Variants in DISP3 observed in about 807,000 individuals in gnomAD.
The protein encoded by DISP3 is protein dispatched homolog 3.
In DISP3, 101 loss-of-function variants were observed where a neutral mutation model predicts 135.3. The ratio of observed to expected loss-of-function variants is 0.75; its 90% CI spans 0.64 to 0.88. The LOEUF is 0.88. DISP3 is among the 40% of genes least tolerant of loss of function. DISP3 has a pLI of 0.00. For synonymous variants in DISP3, 856 were observed against 817.0 expected, an observed-to-expected ratio of 1.05 and a Z score of -0.81; for missense variants, 1,713 against 1,878.6, an observed-to-expected ratio of 0.91 and a Z score of 1.63.
intron 3 of DISP3, among the ~76,000 whole-genome samples, 191 bp from the exon 4 acceptor site, chr1:11,514,199 G>C (rs538606170): frequency 1.3e-5 from 2 of 152,314 alleles, no homozygotes; most frequent in East Asian, 3.9e-4. Context: ...CAGCAGTTCT[G>C]ATCTAATTTG....
chr1:11,489,797 TG>T (rs2100367264), intron 1 of DISP3, among the ~76,000 whole-genome samples: 1 of 152,322 alleles, frequency 6.6e-6, no homozygotes, highest in African/African-American at 2.4e-5. Flanking sequence ...ACAGATCCCC[TG>T]CTTCCTCCAC....
rs562837490 is a variant in DISP3, at chr1:11,537,318, G to C, written c.*632G>C. On this transcript the variant is annotated 3_prime_UTR_variant, in exon 21 of 21. Transcript: ENST00000294484. The stretch of plus-strand genomic sequence containing the variant: ...TGGTCTTGGCCAGAGAAGACAGAAG[G>C]ACCCGGCTTGGGCTTCTGCATGTCC... 1.3e-5 allele frequency: 2 copies of C among 152,584 alleles called. No individual in the cohort carries two copies. Among genetic ancestry groups the C allele is most frequent in the African/African-American group, 4.8e-5 (2 of 41,574 alleles). 9.5% of individuals were successfully genotyped at this position (152,584 alleles called of 1,614,324 possible).
At chr1:11,504,514 G>C (rs903110043) in intron 3 of DISP3, among the ~76,000 whole-genome samples, 1 of 152,210 alleles carries the variant, frequency 6.6e-6, no homozygotes, top group Admixed American at 6.5e-5. Context: ...TTTGTCCCCC[G>C]CAAAACTCAG....
intron 3 of DISP3, among the ~76,000 whole-genome samples, chr1:11,504,561 G>A (rs1641645304): frequency 6.6e-6 from 1 of 152,228 alleles, no homozygotes; most frequent in South Asian, 2.1e-4. Flanking sequence ...AGTGGAAGAT[G>A]TTTGGGTCAT....
chr1:11,523,220 T>C (rs1223384186), intron 10 of DISP3, among the ~76,000 whole-genome samples: 1 of 152,146 alleles, frequency 6.6e-6, no homozygotes, highest in Admixed American at 6.5e-5. Context: ...TTTGAAGGTG[T>C]AGTTCTCTCA....
intron 1 of DISP3, among the ~76,000 whole-genome samples, chr1:11,484,267 G>A (rs758863938): frequency 2.1e-4 from 32 of 152,188 alleles, no homozygotes; most frequent in Non-Finnish European, 4.3e-4. Context: ...CAAGTCACCC[G>A]CTCAAGGTCA....
chr1:11,532,963 C>T (rs981294275), intron 17 of DISP3, among the ~76,000 whole-genome samples: 3 of 152,148 alleles, frequency 2.0e-5, no homozygotes, highest in Admixed American at 6.5e-5. Flanking sequence ...ACCTCGGCCT[C>T]CCAAAGTGCT....
At chr1:11,511,368 G>A (rs1641850467) in intron 3 of DISP3, among the ~76,000 whole-genome samples, 1 of 152,282 alleles carries the variant, frequency 6.6e-6, no homozygotes, top group Non-Finnish European at 1.5e-5. Context: ...GGGGGTACTG[G>A]TATTCGTTAA....
rs1223751255 is a variant in DISP3, at chr1:11,520,050, G to A, written c.2200+170G>A. On this transcript the variant is annotated intron_variant, in intron 9 of 20. Transcript: ENST00000294484. This position sits in a 1 kb window ranked among gnomAD's most constrained non-coding sequence, Gnocchi z 4.8. ...TGTGCAGAATGAAGCCGGTCATGGC[G>A]GCTGTTACTCATTGGCCCCTGCTGT... Among the ~76,000 whole-genome samples, 6 of 152,192 alleles carry A rather than the reference G, an allele frequency of 3.9e-5. No homozygotes were observed. The South Asian group carries it at 6.2e-4, about 16-fold the overall frequency.
chr1:11,480,321 C>T (rs1035316174), intron 1 of DISP3, among the ~76,000 whole-genome samples: 1 of 152,166 alleles, frequency 6.6e-6, no homozygotes, highest in Non-Finnish European at 1.5e-5. Context: ...CACCCACAGT[C>T]CACGCGCACA....
Position 11,531,539 on chromosome 1 carries a change from A to G in DISP3, c.3230-26A>G, listed in dbSNP as rs765040624. On this transcript the variant is annotated intron_variant, in intron 16 of 20. Coordinates refer to ENST00000294484, the MANE Select transcript of DISP3 (RefSeq NM_020780.2). This position sits in a 1 kb window ranked among gnomAD's most constrained non-coding sequence, Gnocchi z 5.2. ...ACAGGCTCTTCCAGGGCCACCACGC[A>G]CTCCCTTTCTTGCCTCTCCCCGCAG... 3.1e-6 allele frequency: 5 copies of G among 1,612,808 alleles called. No homozygotes were observed. Among genetic ancestry groups the G allele is most frequent in the South Asian group, 1.1e-5 (1 of 91,052 alleles).
chr1:11,532,761 G>C (rs1461943609), intron 17 of DISP3, among the ~76,000 whole-genome samples: 1 of 151,812 alleles, frequency 6.6e-6, no homozygotes, highest in South Asian at 2.1e-4. Flanking sequence ...GCAGTGGCAC[G>C]ATCTTGGCTC....
Position 11,499,448 on chromosome 1 carries a change from C to T in DISP3, c.-3-1542C>T, listed in dbSNP as rs1159369008. 1.3e-5 allele frequency among the ~76,000 whole-genome samples: 2 copies of T among 152,068 alleles called. No homozygotes were observed. Among genetic ancestry groups the T allele is most frequent in the African/African-American group, 2.4e-5 (1 of 41,384 alleles). ...GGGTGAGTCTGAGCTGCCTCCAGTG[C>T]GAATACAAATCGGGACTCAGAGCAG... is the stretch of plus-strand genomic sequence containing the variant. On this transcript the variant is annotated intron_variant, in intron 1 of 20. Transcript: ENST00000294484. This position sits in a 1 kb window ranked among gnomAD's most constrained non-coding sequence, Gnocchi z 5.2.
In DISP3 at chr1:11,536,690, G is replaced by A. The variant is rs368478218; in HGVS notation, c.*4G>A. ...GCCCGCAGGGGCCTCCCTATAGCCC[G>A]GGACGGGCTCTGGACACTTGCACCT... On this transcript the variant is annotated 3_prime_UTR_variant, in exon 21 of 21. Coordinates refer to ENST00000294484, the MANE Select transcript of DISP3 (RefSeq NM_020780.2). This position sits in a 1 kb window ranked among gnomAD's most constrained non-coding sequence, Gnocchi z 4.3. 1.6e-3 allele frequency: 2,544 copies of A among 1,550,130 alleles called. 2 individuals are homozygous for A. Among genetic ancestry groups the A allele is most frequent in the Non-Finnish European group, 2.0e-3 (2,305 of 1,149,384 alleles).
At position 11,529,639 on chromosome 1, in the gene DISP3, GC is replaced by G; in HGVS notation, c.2886del (p.Asp963MetfsTer30). ...MAPPGCLLSS[S>X]PDGPTKGFFF... is the part of the protein sequence containing the mutation. ...CCCCCTGGCTGCCTGCTTAGCTCCA[GC>G]CCCGATGGGCCTACCAAAGGCTTCT... On this transcript the variant is annotated frameshift_variant, in exon 14 of 21. Coordinates refer to ENST00000294484, the MANE Select transcript of DISP3 (RefSeq NM_020780.2). LOFTEE classifies it high-confidence loss of function. This position sits in a 1 kb window ranked among gnomAD's most constrained non-coding sequence, Gnocchi z 4.7. The G allele has an allele frequency of 6.2e-7, 1 of 1,609,186 alleles. No homozygotes were observed.
chr1:11,501,966 T>C lies in DISP3; in HGVS notation c.974T>C (p.Leu325Pro), dbSNP rs1641549211. 1 of 1,613,804 alleles carries C rather than the reference T, an allele frequency of 6.2e-7. No individual in the cohort carries two copies. Among genetic ancestry groups the C allele is most frequent in the Admixed American group, 1.7e-5 (1 of 60,002 alleles). Residue 325 changes from leucine (L) to proline (P), a missense_variant, in exon 2 of 21, where the codon CTG becomes CCG. Leu to Pro is a moderately conservative substitution (Grantham distance 98). Transcript: ENST00000294484. The surrounding 1 kb of genome is among the most constrained non-coding windows in gnomAD (Gnocchi z 4.9). Reference protein sequence around the residue: ...CWKPHEVLKDLPLGSYSYCSP... With the variant: ...CWKPHEVLKDPPLGSYSYCSP... Reference sequence around the variant, plus strand: ...AAGCCCCACGAGGTGCTCAAGGATCTGCCGCTGGGCTCCTACTCCTACTGC... The same window carrying C: ...AAGCCCCACGAGGTGCTCAAGGATCCGCCGCTGGGCTCCTACTCCTACTGC...
At chr1:11,495,297 A>G (rs1641300851) in intron 1 of DISP3, among the ~76,000 whole-genome samples, 1 of 152,214 alleles carries the variant, frequency 6.6e-6, no homozygotes, top group Non-Finnish European at 1.5e-5. Flanking sequence ...AGGCTGAGGC[A>G]CGAGAATCGC....
chr1:11,502,970 C>T (rs1202648086), intron 3 of DISP3, 73 bp downstream of exon 3: 2 of 1,280,890 alleles, frequency 1.6e-6, no homozygotes, highest in African/African-American at 3.0e-5. Flanking sequence ...TCTTAAACCC[C>T]ATATCCCTTT....
At chr1:11,496,929 T>A (rs1380614381) in intron 1 of DISP3, among the ~76,000 whole-genome samples, 1 of 152,192 alleles carries the variant, frequency 6.6e-6, no homozygotes, top group African/African-American at 2.4e-5. Context: ...AGCTGGTGGC[T>A]GGGCCAGGCC....
Sources: allele counts gnomAD v4.1 joint callset (sites outside exome capture counted in the v4.1 genomes callset), GRCh38; gene constraint gnomAD v4.1.1; non-coding constraint Gnocchi (gnomAD v3.1); transcripts MANE v1.5; gene names NCBI Gene and HGNC (gene_info 2026-07-23, HGNC 2026-07-21).